Variants in PTGIS observed in about 807,000 individuals in gnomAD.
PTGIS encodes prostacyclin synthase.
PTGIS carries 45 observed loss-of-function variants against 50.3 expected under a neutral mutation model. The observed-to-expected ratio is 0.90, with a 90% CI of 0.70 to 1.15. The LOEUF (loss-of-function observed/expected upper bound fraction) is 1.15, where lower values mean the gene tolerates loss of function less well. PTGIS is among the 50% of genes most tolerant of loss of function. The pLI is 0.00. For synonymous variants in PTGIS, 260 were observed against 267.7 expected (o/e 0.97, Z 0.28); for missense variants, 668 against 661.3 (o/e 1.01, Z -0.11).
chr20:49,559,570 G>C (rs192772967), intron 1 of PTGIS, among the ~76,000 whole-genome samples: 1 of 152,300 alleles, frequency 6.6e-6, no homozygotes, highest in East Asian at 1.9e-4. Context: ...GTGACGAACG[G>C]ATAAACAGAA....
intron 6 of PTGIS, among the ~76,000 whole-genome samples, chr20:49,522,559 C>T (rs773462916): frequency 1.3e-5 from 2 of 152,098 alleles, no homozygotes; most frequent in Non-Finnish European, 2.9e-5. Context: ...AACTCCTGGG[C>T]TCAAGCAATC....
At chr20:49,562,528 G>A (rs936422349) in intron 1 of PTGIS, among the ~76,000 whole-genome samples, 9 of 152,228 alleles carry the variant, frequency 5.9e-5, no homozygotes, top group Admixed American at 5.9e-4. Flanking sequence ...GGGCGAAGGA[G>A]GCTCTGTTTT....
intron 5 of PTGIS, among the ~76,000 whole-genome samples, chr20:49,532,803 G>T (rs1431438909): frequency 1.3e-5 from 2 of 152,196 alleles, no homozygotes; most frequent in African/African-American, 4.8e-5. Flanking sequence ...GCATCTCTGA[G>T]CCTCAGTTTC....
In PTGIS at chr20:49,547,895, A is replaced by G; in HGVS notation, c.323T>C (p.Phe108Ser). ...AYAIFLMERI[F>S]DVQLPHYSPS... Reference sequence around the variant, plus strand: ...GCTGTAATGTGGAAGCTGCACATCAAAAATCCTCTCCATGAGGAAGATGGC... The same window carrying G: ...GCTGTAATGTGGAAGCTGCACATCAGAAATCCTCTCCATGAGGAAGATGGC... The change falls in exon 3 of 10, where the codon TTT becomes TCT. Residue 108 changes from phenylalanine (F) to serine (S), a missense_variant. Phe to Ser is a radical substitution (Grantham distance 155). Transcript: ENST00000244043. 6.2e-7 allele frequency: 1 copy of G among 1,614,170 alleles called. No individual in the cohort carries two copies. Among genetic ancestry groups the G allele is most frequent in the Non-Finnish European group, 8.5e-7 (1 of 1,180,032 alleles).
At position 49,539,500 on chromosome 20, in the gene PTGIS, C is replaced by T. The variant is rs1320519714; in HGVS notation, c.673+70G>A. The T allele has an allele frequency of 2.6e-6, 4 of 1,544,828 alleles. No individual in the cohort carries two copies. In the East Asian group the frequency reaches 6.9e-5, roughly 27 times the overall value. The stretch of plus-strand genomic sequence containing the variant: ...GCCTGTGTTGCCTCTGGTCCTCTAC[C>T]TTGAATTGGGCTCCCCCTCTGGGTC... On this transcript the variant is annotated intron_variant, in intron 5 of 9. Coordinates refer to ENST00000244043, the MANE Select transcript of PTGIS (RefSeq NM_000961.4).
At chr20:49,509,414 A>T (rs964194489) in intron 9 of PTGIS, among the ~76,000 whole-genome samples, 7 of 152,244 alleles carry the variant, frequency 4.6e-5, no homozygotes, top group African/African-American at 1.7e-4. Flanking sequence ...GCACCATCTA[A>T]GCATTTAGTA....
At chr20:49,564,278 G>A (rs902271510) in intron 1 of PTGIS, among the ~76,000 whole-genome samples, 1 of 151,758 alleles carries the variant, frequency 6.6e-6, no homozygotes, top group Non-Finnish European at 1.5e-5. Context: ...TTGAGATGGA[G>A]TCTCGCTCTG....
At chr20:49,522,898 C>T (rs1981688627) in intron 6 of PTGIS, among the ~76,000 whole-genome samples, 1 of 152,124 alleles carries the variant, frequency 6.6e-6, no homozygotes, top group East Asian at 1.9e-4. Context: ...GTGGCATGCG[C>T]CTGTAGTCCC....
At chr20:49,531,117 C>A (rs989097015) in intron 5 of PTGIS, among the ~76,000 whole-genome samples, 6 of 152,114 alleles carry the variant, frequency 3.9e-5, no homozygotes, top group African/African-American at 1.4e-4. Flanking sequence ...TGGATGTTAA[C>A]CCCATATCGG....
intron 8 of PTGIS, 94 bp downstream of exon 8, chr20:49,512,986 A>G: frequency 6.8e-7 from 1 of 1,478,548 alleles, no homozygotes; most frequent in Non-Finnish European, 9.4e-7. Context: ...GCAAACAAAG[A>G]GCAGAGCCAG....
intron 5 of PTGIS, among the ~76,000 whole-genome samples, chr20:49,536,520 G>A (rs1415325112): frequency 8.2e-6 from 1 of 122,392 alleles, no homozygotes; most frequent in East Asian, 2.3e-4. Flanking sequence ...TCACTCTGTC[G>A]CCCAGGCTGG....
intron 1 of PTGIS, among the ~76,000 whole-genome samples, chr20:49,558,497 G>A (rs1982677743): frequency 6.6e-6 from 1 of 152,200 alleles, no homozygotes; most frequent in African/African-American, 2.4e-5. Context: ...TTGGAATGCA[G>A]TCTGGCAGTT....
intron 1 of PTGIS, among the ~76,000 whole-genome samples, chr20:49,551,841 T>C (rs1259373574): frequency 6.7e-6 from 1 of 149,042 alleles, no homozygotes; most frequent in Non-Finnish European, 1.5e-5. Context: ...TGTGTGTGTG[T>C]GTGTATGCCT....
intron 6 of PTGIS, among the ~76,000 whole-genome samples, chr20:49,519,778 C>A (rs930862483): frequency 6.6e-6 from 1 of 152,174 alleles, no homozygotes; most frequent in African/African-American, 2.4e-5. Context: ...TGCCATCCCT[C>A]CTGTCACTCA....
intron 5 of PTGIS, among the ~76,000 whole-genome samples, chr20:49,528,754 T>C (rs1981858553): frequency 1.3e-5 from 2 of 152,232 alleles, no homozygotes; most frequent in South Asian, 4.1e-4. Context: ...CTGTGATATA[T>C]TGTTAGCACA....
intron 6 of PTGIS, among the ~76,000 whole-genome samples, chr20:49,516,178 G>A (rs902354349): frequency 6.6e-6 from 1 of 151,954 alleles, no homozygotes; most frequent in Non-Finnish European, 1.5e-5. Flanking sequence ...CACCAGAAAC[G>A]GGTAACTGAG....
intron 8 of PTGIS, among the ~76,000 whole-genome samples, 189 bp from the exon 9 acceptor site, chr20:49,511,368 A>T (rs1981316008): frequency 6.6e-6 from 1 of 152,230 alleles, no homozygotes; most frequent in South Asian, 2.1e-4. Context: ...CATGGAAAGA[A>T]TTTCTACAAT....
chr20:49,514,366 G>C lies in PTGIS; in HGVS notation c.885C>G (p.Leu295=). ...QGNMGPAAFW[L]LLFLLKNPEA... Reference sequence around the variant, plus strand: ...CAGGATTCTTGAGAAGGAAGAGCAGGAGCCAGAAGGCAGCGGGACCCATAT... The same window carrying C: ...CAGGATTCTTGAGAAGGAAGAGCAGCAGCCAGAAGGCAGCGGGACCCATAT... Residue 295 remains leucine, a synonymous_variant, in exon 7 of 10, where the codon CTC becomes CTG. Coordinates refer to ENST00000244043, the MANE Select transcript of PTGIS (RefSeq NM_000961.4). The C allele has an allele frequency of 6.2e-7, 1 of 1,614,004 alleles. No individual in the cohort carries two copies. Among genetic ancestry groups the C allele is most frequent in the Non-Finnish European group, 8.5e-7 (1 of 1,180,040 alleles).
intron 1 of PTGIS, among the ~76,000 whole-genome samples, chr20:49,564,515 T>C (rs879543655): frequency 6.6e-6 from 1 of 152,198 alleles, no homozygotes; most frequent in Non-Finnish European, 1.5e-5. Flanking sequence ...CCTCCCAAAG[T>C]GCTGGAATTA....
Sources: gnomAD v4.1 joint callset for allele counts (sites outside exome capture counted in the v4.1 genomes callset) on GRCh38, gnomAD v4.1.1 for gene constraint, MANE v1.5 for transcripts, NCBI Gene and HGNC (gene_info 2026-07-23, HGNC 2026-07-21) for gene names.